RPS6KA5: variants seen among roughly 807,000 people sequenced by gnomAD.
RPS6KA5 encodes ribosomal protein S6 kinase alpha-5.
RPS6KA5 carries 27 observed loss-of-function variants against 85.5 expected under a neutral mutation model. The observed-to-expected ratio is 0.32, with a 90% CI of 0.23 to 0.44. The LOEUF is 0.44. RPS6KA5 is among the 20% of genes least tolerant of loss of function. RPS6KA5 has a pLI of 1.00. For synonymous variants in RPS6KA5, 334 were observed against 348.2 expected, an observed-to-expected ratio of 0.96 and a Z score of 0.46; for missense variants, 811 against 980.9, an observed-to-expected ratio of 0.83 and a Z score of 2.31.
At position 90,857,058 on chromosome 14, in the gene RPS6KA5, A is replaced by C. The variant is rs2032320805; in HGVS notation, c.*15016T>G. On this transcript the variant is annotated 3_prime_UTR_variant, in exon 17 of 17. Coordinates refer to ENST00000614987, the MANE Select transcript of RPS6KA5 (RefSeq NM_004755.4). The stretch of plus-strand genomic sequence containing the variant: ...TCCCAGTGCAGCCTAGTTTCTATGG[A>C]GCTACCATATATGACAGTGTCCTAT... 6.6e-6 allele frequency: 1 copy of C among 152,256 alleles called. No individual in the cohort carries two copies. The highest frequency in any genetic ancestry group is 2.1e-4 in the South Asian group (1 of 4,836). The allele number at this position is 152,256 out of a possible 1,614,324, so 9.4% of individuals were successfully genotyped here. A position where few individuals can be genotyped will look rare whatever the true frequency, so the allele number is the denominator to read the frequency against.
At chr14:90,991,981 A>G (rs1386758648) in intron 2 of RPS6KA5, among the ~76,000 whole-genome samples, 1 of 152,074 alleles carries the variant, frequency 6.6e-6, no homozygotes, top group Non-Finnish European at 1.5e-5. Context: ...TTTCTAGTTT[A>G]AATATATAGA....
intron 3 of RPS6KA5, among the ~76,000 whole-genome samples, chr14:90,963,641 C>A (rs2038916705): frequency 6.6e-6 from 1 of 152,166 alleles, no homozygotes; most frequent in South Asian, 2.1e-4. Context: ...TTTAATATCA[C>A]CACCACTCAT....
At chr14:90,942,957 C>A in intron 5 of RPS6KA5, 121 bp downstream of exon 5, 1 of 682,352 alleles carries the variant, frequency 1.5e-6, no homozygotes, top group Non-Finnish European at 2.6e-6. Context: ...TTTCCATGGA[C>A]AAATCTGCAC....
At chr14:90,872,793 G>A (rs562300306) in intron 16 of RPS6KA5, among the ~76,000 whole-genome samples, 14 of 152,264 alleles carry the variant, frequency 9.2e-5, no homozygotes, top group African/African-American at 3.4e-4. Context: ...ACACTTACAC[G>A]CATGGAGAAG....
chr14:90,871,720 G>T lies in RPS6KA5; in HGVS notation c.*354C>A, dbSNP rs1298987473. ...CATTGTCCACAAGGCAAAGCAAAAG[G>T]TATCATCACAGTATGAGTCATTTCT... is the stretch of plus-strand genomic sequence containing the variant. On this transcript the variant is annotated 3_prime_UTR_variant, in exon 17 of 17. Coordinates refer to ENST00000614987, the MANE Select transcript of RPS6KA5 (RefSeq NM_004755.4). The T allele has an allele frequency of 5.9e-6, 1 of 170,510 alleles. No individual in the cohort carries two copies. The highest frequency in any genetic ancestry group is 1.3e-5 in the Non-Finnish European group (1 of 79,458). 10.6% of individuals were successfully genotyped at this position (170,510 alleles called of 1,614,324 possible).
At chr14:90,926,312 A>G (rs1397658228) in intron 5 of RPS6KA5, among the ~76,000 whole-genome samples, 1 of 150,850 alleles carries the variant, frequency 6.6e-6, no homozygotes, top group Non-Finnish European at 1.5e-5. Flanking sequence ...AACTGCTTGA[A>G]CCTGGGAGGT....
At chr14:90,877,774 G>T (rs2033573462) in intron 14 of RPS6KA5, among the ~76,000 whole-genome samples, 1 of 152,064 alleles carries the variant, frequency 6.6e-6, no homozygotes, top group Admixed American at 6.5e-5. Context: ...ACCCAGTTTG[G>T]GTAACTACAC....
intron 1 of RPS6KA5, among the ~76,000 whole-genome samples, chr14:91,013,582 G>A (rs1233306463): frequency 6.6e-6 from 1 of 152,162 alleles, no homozygotes; most frequent in East Asian, 1.9e-4. Flanking sequence ...GGGAAGGAAA[G>A]GGAAAAAAGG....
intron 5 of RPS6KA5, among the ~76,000 whole-genome samples, chr14:90,928,774 C>CAGATTTGA (rs910517903): frequency 2.0e-5 from 3 of 149,442 alleles, no homozygotes; most frequent in African/African-American, 7.3e-5. Context: ...CACACTCTGG[C>CAGATTTGA]AGATTTGAAA....
intron 5 of RPS6KA5, among the ~76,000 whole-genome samples, chr14:90,926,108 A>C (rs1223616705): frequency 6.6e-6 from 1 of 152,104 alleles, no homozygotes; most frequent in Non-Finnish European, 1.5e-5. Flanking sequence ...TAATCTTCTC[A>C]AGACTTAGTA....
intron 7 of RPS6KA5, among the ~76,000 whole-genome samples, chr14:90,914,828 G>T (rs971287101): frequency 1.3e-5 from 2 of 152,214 alleles, no homozygotes; most frequent in African/African-American, 4.8e-5. Flanking sequence ...CCCTCCTGCT[G>T]CTGGACTCTA....
At chr14:90,941,476 T>C (rs1320773515) in intron 5 of RPS6KA5, among the ~76,000 whole-genome samples, 2 of 152,234 alleles carry the variant, frequency 1.3e-5, no homozygotes, top group African/African-American at 2.4e-5. Context: ...ATTTTCACCA[T>C]ACCTGTCATT....
At chr14:90,909,842 A>C in intron 7 of RPS6KA5, among the ~76,000 whole-genome samples, 1 of 152,120 alleles carries the variant, frequency 6.6e-6, no homozygotes, top group Non-Finnish European at 1.5e-5. Flanking sequence ...GCCAGGTTGG[A>C]GTGCAGTGGC....
intron 7 of RPS6KA5, among the ~76,000 whole-genome samples, chr14:90,919,673 C>CA: frequency 6.6e-6 from 1 of 152,152 alleles, no homozygotes; most frequent in South Asian, 2.1e-4. Flanking sequence ...GACAGATAGA[C>CA]ATTAATCAAA....
At chr14:90,931,961 A>C (rs903888013) in intron 5 of RPS6KA5, among the ~76,000 whole-genome samples, 1 of 152,266 alleles carries the variant, frequency 6.6e-6, no homozygotes, top group East Asian at 1.9e-4. Flanking sequence ...ACATGGTAAT[A>C]GTATATATTG....
chr14:90,908,136 G>A (rs1027610422), intron 7 of RPS6KA5, among the ~76,000 whole-genome samples: 12 of 152,204 alleles, frequency 7.9e-5, no homozygotes, highest in African/African-American at 2.9e-4. Context: ...TCCTGCGAAG[G>A]CAGAAAGGAG....
In RPS6KA5 at chr14:91,052,634, C is replaced by T. The variant is rs377555981; in HGVS notation, c.103+7698G>A. Among the ~76,000 whole-genome samples, 43 of 150,234 alleles carry T rather than the reference C, an allele frequency of 2.9e-4. 1 individual carries two copies. In the East Asian group the frequency reaches 8.2e-3, roughly 29 times the overall value. On this transcript the variant is annotated intron_variant, in intron 1 of 16. Coordinates refer to ENST00000614987, the MANE Select transcript of RPS6KA5 (RefSeq NM_004755.4). ...GGTCAGGAGATCGAGACCGTCCTGG[C>T]TAACACGATGAAACCCCGTCTCTAC...
rs1176448236 is a variant in RPS6KA5 at position 90,852,820 on chromosome 14, C to T, written c.*19254G>A. ...TCTCGGCTCACTACAAGCTCCGCCT[C>T]CCGGGTTCATGCCATTCTCCTGTCT... is the stretch of plus-strand genomic sequence containing the variant. On this transcript the variant is annotated 3_prime_UTR_variant, in exon 17 of 17. Coordinates refer to ENST00000614987, the MANE Select transcript of RPS6KA5 (RefSeq NM_004755.4). 1 of 149,682 alleles carries T rather than the reference C, an allele frequency of 6.7e-6. No homozygotes were observed. Among genetic ancestry groups the T allele is most frequent in the Non-Finnish European group, 1.5e-5 (1 of 67,778 alleles). 9.3% of individuals were successfully genotyped at this position (149,682 alleles called of 1,614,324 possible). A position where few individuals can be genotyped will look rare whatever the true frequency, so the allele number is the denominator to read the frequency against.
At chr14:90,996,201 T>G (rs943070837) in intron 2 of RPS6KA5, among the ~76,000 whole-genome samples, 9 of 151,838 alleles carry the variant, frequency 5.9e-5, no homozygotes, top group African/African-American at 2.2e-4. Flanking sequence ...TTGTTTTTTT[T>G]TTTGTTTTTT....
Sources: gnomAD v4.1 joint callset for allele counts (sites outside exome capture counted in the v4.1 genomes callset) on GRCh38, gnomAD v4.1.1 for gene constraint, MANE v1.5 for transcripts, NCBI Gene and HGNC (gene_info 2026-07-23, HGNC 2026-07-21) for gene names.